The following ARHGAP32 variants were observed in gnomAD, a reference collection of about 807,000 sequenced individuals.
ARHGAP32 encodes Rho GTPase activating protein 32, also known as rho GTPase-activating protein 32.
In ARHGAP32, 51 loss-of-function variants were observed where a neutral mutation model predicts 186.5. That is an observed-to-expected ratio of 0.27 (90% CI 0.22 to 0.35). ARHGAP32 has a LOEUF of 0.35. Among genes scored for constraint, ARHGAP32 ranks in the 10% least tolerant of loss-of-function variants. The pLI is 1.00. For missense variants in ARHGAP32, 2,186 were observed against 2,623.5 expected, an observed-to-expected ratio of 0.83 and a Z score of 3.64; for synonymous variants, 950 against 964.3, an observed-to-expected ratio of 0.99 and a Z score of 0.27.
intron 12 of ARHGAP32, among the ~76,000 whole-genome samples, chr11:128,995,056 G>C (rs1946159959): frequency 6.6e-6 from 1 of 151,370 alleles, no homozygotes. Context: ...AATTGAAAAA[G>C]CAAGACAACT....
chr11:129,018,481 T>C (rs1351713034), intron 11 of ARHGAP32, among the ~76,000 whole-genome samples: 1 of 152,198 alleles, frequency 6.6e-6, no homozygotes, highest in African/African-American at 2.4e-5. Flanking sequence ...TTCAAATTTA[T>C]TAAAAGGAAT....
chr11:129,050,976 C>T (rs1940018589), intron 10 of ARHGAP32, among the ~76,000 whole-genome samples: 1 of 152,072 alleles, frequency 6.6e-6, no homozygotes, highest in Non-Finnish European at 1.5e-5. Flanking sequence ...TGAACCCATC[C>T]TTTTTTTATG....
intron 6 of ARHGAP32, among the ~76,000 whole-genome samples, chr11:129,077,543 G>A (rs1407284067): frequency 6.6e-6 from 1 of 152,010 alleles, no homozygotes; most frequent in African/African-American, 2.4e-5. Flanking sequence ...AACTTCCCTA[G>A]CGACCTGTAT....
At chr11:129,211,950 T>A (rs755675402) in intron 1 of ARHGAP32, among the ~76,000 whole-genome samples, 1 of 151,666 alleles carries the variant, frequency 6.6e-6, no homozygotes, top group Non-Finnish European at 1.5e-5. Context: ...AGTCCAGGAG[T>A]TTAAGACCAG....
intron 1 of ARHGAP32, among the ~76,000 whole-genome samples, chr11:129,245,460 G>C (rs1348254331): frequency 6.8e-6 from 1 of 147,688 alleles, no homozygotes; most frequent in Non-Finnish European, 1.5e-5. Context: ...GGGGTGGGGG[G>C]ACGGGGGAGG....
At chr11:129,264,420 ATAAG>A (rs1482259053) in intron 1 of ARHGAP32, among the ~76,000 whole-genome samples, 1 of 152,248 alleles carries the variant, frequency 6.6e-6, no homozygotes, top group Non-Finnish European at 1.5e-5. Flanking sequence ...AAATATCACT[ATAAG>A]TAACTACCTC....
intron 1 of ARHGAP32, among the ~76,000 whole-genome samples, chr11:129,277,344 A>G (rs1243354654): frequency 2.0e-5 from 3 of 152,222 alleles, no homozygotes. Context: ...CACAGAAGGA[A>G]CATAACTACT....
intron 2 of ARHGAP32, among the ~76,000 whole-genome samples, chr11:129,134,695 C>A (rs2135412215): frequency 6.6e-6 from 1 of 152,236 alleles, no homozygotes; most frequent in Admixed American, 6.5e-5. Context: ...TATATTAAAA[C>A]CTAACGCCCA....
At chr11:129,006,968 C>T (rs559340509) in intron 11 of ARHGAP32, among the ~76,000 whole-genome samples, 32 of 152,206 alleles carry the variant, frequency 2.1e-4, no homozygotes, top group African/African-American at 7.5e-4. Context: ...ACTCTTCTCT[C>T]CCCTTTCCAT....
chr11:129,263,181 A>T (rs1945347233), intron 1 of ARHGAP32, among the ~76,000 whole-genome samples: 1 of 152,210 alleles, frequency 6.6e-6, no homozygotes, highest in Non-Finnish European at 1.5e-5. Context: ...TGGATTTGGC[A>T]ATAATTTTTT....
At chr11:129,145,259 T>C (rs73019138) in intron 2 of ARHGAP32, among the ~76,000 whole-genome samples, 10,295 of 152,118 alleles carry the variant, frequency 0.068, 417 homozygotes, top group Middle Eastern at 0.082. Flanking sequence ...GATCTCTTTC[T>C]ACACTTGAAT....
intron 12 of ARHGAP32, among the ~76,000 whole-genome samples, chr11:128,990,126 C>G (rs1203824579): frequency 6.6e-6 from 1 of 152,182 alleles, no homozygotes; most frequent in Non-Finnish European, 1.5e-5. Flanking sequence ...ACAATTTCCT[C>G]TAGCTGGACT....
chr11:129,272,405 T>C (rs1229680040), intron 1 of ARHGAP32, among the ~76,000 whole-genome samples: 1 of 152,124 alleles, frequency 6.6e-6, no homozygotes, highest in African/African-American at 2.4e-5. Flanking sequence ...CATCCTACAC[T>C]CTCATCTGCA....
chr11:129,279,574 C>A (rs1945585980), upstream of ARHGAP32, among the ~76,000 whole-genome samples: 1 of 146,128 alleles, frequency 6.8e-6, no homozygotes, highest in South Asian at 2.1e-4. Context: ...CCCGCCCAGC[C>A]TCCGCCTCCT....
chr11:129,179,271 A>G (rs182913875), intron 1 of ARHGAP32, among the ~76,000 whole-genome samples: 18,924 of 151,952 alleles, frequency 0.12, 1,310 homozygotes, highest in Non-Finnish European at 0.15. Context: ...TTAGAATGGC[A>G]ATCATTAAAA....
chr11:129,109,115 G>C (rs1407637014), intron 5 of ARHGAP32, among the ~76,000 whole-genome samples: 1 of 151,960 alleles, frequency 6.6e-6, no homozygotes, highest in African/African-American at 2.4e-5. Context: ...ATTAGATCAA[G>C]TTTTTTAGAT....
chr11:129,094,583 T>C (rs570945387), intron 5 of ARHGAP32, among the ~76,000 whole-genome samples: 1 of 152,220 alleles, frequency 6.6e-6, no homozygotes, highest in Non-Finnish European at 1.5e-5. Context: ...GAAATGACCA[T>C]CACCTTTAAA....
rs369224664 is a variant in ARHGAP32, at chr11:129,124,845, G to A, written c.275C>T (p.Thr92Met). ...PEIPGDLTLK[T>M]CGSTASMKVK... ...CTTCATACTGGCTGTACTGCCACACGTCTTAAGAGTAAGATCTCCAGGAAT... is the reference window on the plus strand; with the variant it reads ...CTTCATACTGGCTGTACTGCCACACATCTTAAGAGTAAGATCTCCAGGAAT... Residue 92 changes from threonine to methionine, a missense_variant, in exon 3 of 23, where the codon ACG becomes ATG. Coordinates refer to ENST00000682385, the MANE Select transcript of ARHGAP32 (RefSeq NM_001378024.1). 26 of 1,610,832 alleles carry A rather than the reference G, an allele frequency of 1.6e-5. No homozygotes were observed. Among genetic ancestry groups the A allele is most frequent in the Middle Eastern group, 3.3e-4 (2 of 6,076 alleles).
At chr11:129,146,767 GCTC>G (rs1591650202) in intron 2 of ARHGAP32, among the ~76,000 whole-genome samples, 1 of 151,758 alleles carries the variant, frequency 6.6e-6, no homozygotes. Context: ...AAAATTTCCA[GCTC>G]CTTTTTAGAT....
Sources: gnomAD v4.1 joint callset for allele counts (sites outside exome capture counted in the v4.1 genomes callset) on GRCh38, gnomAD v4.1.1 for gene constraint, MANE v1.5 for transcripts, NCBI Gene and HGNC (gene_info 2026-07-23, HGNC 2026-07-21) for gene names.